CCDC126: variants seen among roughly 807,000 people sequenced by gnomAD.
The protein encoded by CCDC126 is coiled-coil domain containing 126, also known as coiled-coil domain-containing protein 126.
CCDC126 carries 5 observed loss-of-function variants against 11.7 expected under a neutral mutation model. The observed-to-expected ratio is 0.43, with a 90% CI of 0.22 to 0.90. The LOEUF is 0.90. CCDC126 is among the 40% of genes least tolerant of loss of function. The probability of loss-of-function intolerance (pLI) is 0.27; values close to 1 mark genes in which losing one functional copy is unlikely to be tolerated. For synonymous variants in CCDC126, 60 were observed against 61.9 expected, an observed-to-expected ratio of 0.97 and a Z score of 0.14; for missense variants, 150 against 163.1, an observed-to-expected ratio of 0.92 and a Z score of 0.44.
chr7:23,641,913 T>TC (rs959448275), intron 3 of CCDC126, among the ~76,000 whole-genome samples: 12 of 152,300 alleles, frequency 7.9e-5, no homozygotes, highest in Admixed American at 3.9e-4. Context: ...GACCCTAGGC[T>TC]CCCCCACAAC....
intron 3 of CCDC126, among the ~76,000 whole-genome samples, chr7:23,614,397 A>G (rs1453688266): frequency 6.6e-6 from 1 of 152,152 alleles, no homozygotes; most frequent in Non-Finnish European, 1.5e-5. Context: ...TTCAGGCTCT[A>G]CTTCTCATTC....
At chr7:23,621,611 A>G (rs1250170115) in intron 3 of CCDC126, among the ~76,000 whole-genome samples, 1 of 152,174 alleles carries the variant, frequency 6.6e-6, no homozygotes, top group Non-Finnish European at 1.5e-5. Flanking sequence ...AACTTCCAAC[A>G]CTATGTTGAA....
rs183830484 is a variant in CCDC126, at chr7:23,606,091, C to T, written c.-145-5080C>T. On this transcript the variant is annotated intron_variant, in intron 2 of 3. Coordinates refer to ENST00000307471, the MANE Select transcript of CCDC126 (RefSeq NM_138771.4). ...TTTATGTTTTTGAGACCGAGTCTTG[C>T]TCTGTCGCCCAGGCTGGAGTGCAGT... 3.9e-3 allele frequency among the ~76,000 whole-genome samples: 599 copies of T among 152,116 alleles called. 1 individual carries two copies. Among genetic ancestry groups the T allele is most frequent in the Non-Finnish European group, 6.9e-3 (469 of 68,020 alleles).
chr7:23,627,548 C>T lies in CCDC126; in HGVS notation c.239-15383C>T, dbSNP rs893383084. 4.0e-5 allele frequency among the ~76,000 whole-genome samples: 6 copies of T among 148,150 alleles called. No individual in the cohort carries two copies. In the East Asian group the frequency reaches 7.9e-4, roughly 19 times the overall value. On this transcript the variant is annotated intron_variant, in intron 3 of 3. Coordinates refer to ENST00000307471, the MANE Select transcript of CCDC126 (RefSeq NM_138771.4). Reference sequence around the variant, plus strand: ...CACCACTGCACTCCAGCCTGGGTGACGAGAGTGAGACTCTGTCTCAGAAAA... The same window carrying T: ...CACCACTGCACTCCAGCCTGGGTGATGAGAGTGAGACTCTGTCTCAGAAAA...
intron 3 of CCDC126, among the ~76,000 whole-genome samples, chr7:23,629,243 A>C (rs1471776400): frequency 3.3e-5 from 5 of 152,180 alleles, no homozygotes; most frequent in African/African-American, 1.2e-4. Flanking sequence ...CGAGGACTCT[A>C]CCCTTATGAA....
chr7:23,637,654 GTGGGGGGGT>G (rs1783257614), intron 3 of CCDC126, among the ~76,000 whole-genome samples: 2 of 4,162 alleles, frequency 4.8e-4, no homozygotes, highest in African/African-American at 3.0e-3. Context: ...CGGGAGGGAG[GTGGGGGGGT>G]CAGCCCCCCG....
intron 2 of CCDC126, among the ~76,000 whole-genome samples, chr7:23,601,719 T>C (rs546788383): frequency 1.3e-5 from 2 of 152,284 alleles, no homozygotes; most frequent in African/African-American, 4.8e-5. Flanking sequence ...ATTAATTAAT[T>C]AAATTTTGAG....
At chr7:23,601,948 A>T (rs1782552741) in intron 2 of CCDC126, 1 of 152,170 alleles carries the variant, frequency 6.6e-6, no homozygotes, top group South Asian at 2.1e-4. Context: ...AACCTTGTAA[A>T]GTGCTGGGAT....
At chr7:23,633,027 T>G (rs941254053) in intron 3 of CCDC126, among the ~76,000 whole-genome samples, 1 of 152,142 alleles carries the variant, frequency 6.6e-6, no homozygotes, top group African/African-American at 2.4e-5. Flanking sequence ...AGTTTCGCTC[T>G]TGTTGCCCAG....
At chr7:23,598,118 C>G (rs1782461158) in intron 2 of CCDC126, 67 bp downstream of exon 2, 1 of 152,258 alleles carries the variant, frequency 6.6e-6, no homozygotes, top group South Asian at 2.1e-4. Context: ...GCTCAGCCAG[C>G]TAGGGTTCGA....
chr7:23,623,482 G>C (rs1782960689), intron 3 of CCDC126, among the ~76,000 whole-genome samples: 1 of 151,938 alleles, frequency 6.6e-6, no homozygotes, highest in South Asian at 2.1e-4. Flanking sequence ...TATAGTCCCT[G>C]CTGCTGTGGA....
intron 3 of CCDC126, among the ~76,000 whole-genome samples, chr7:23,633,306 T>TTGGGAGGCC (rs1783147772): frequency 6.6e-6 from 1 of 152,148 alleles, no homozygotes; most frequent in South Asian, 2.1e-4. Flanking sequence ...CTTGCAATCT[T>TTGGGAGGCC]AAGAAGAGAA....
At chr7:23,625,690 C>G (rs1257359078) in intron 3 of CCDC126, among the ~76,000 whole-genome samples, 5 of 113,052 alleles carry the variant, frequency 4.4e-5, no homozygotes, top group Middle Eastern at 0.01. Context: ...GAGTCTTGCT[C>G]TGTTGCCCAG....
chr7:23,605,399 TTGTGTGTG>T (rs3219575), intron 2 of CCDC126, among the ~76,000 whole-genome samples: 5,745 of 148,894 alleles, frequency 0.039, 142 homozygotes, highest in Middle Eastern at 0.066. Flanking sequence ...TGTGATATGC[TTGTGTGTG>T]TGTGTGTGTG....
At chr7:23,599,383 G>A (rs1457169588) in intron 2 of CCDC126, among the ~76,000 whole-genome samples, 1 of 152,220 alleles carries the variant, frequency 6.6e-6, no homozygotes, top group Non-Finnish European at 1.5e-5. Context: ...GGCTTTGGAA[G>A]GGGAGGTGGG....
At chr7:23,639,148 T>C (rs1294543183) in intron 3 of CCDC126, among the ~76,000 whole-genome samples, 1 of 151,884 alleles carries the variant, frequency 6.6e-6, no homozygotes, top group African/African-American at 2.4e-5. Context: ...AAACATCATA[T>C]ATCTTTCATC....
intron 3 of CCDC126, among the ~76,000 whole-genome samples, chr7:23,616,202 A>G (rs1782792342): frequency 6.6e-6 from 1 of 152,158 alleles, no homozygotes; most frequent in Admixed American, 6.5e-5. Flanking sequence ...GCATATTCAG[A>G]CACATTAGGT....
At chr7:23,623,122 C>T (rs543045936) in intron 3 of CCDC126, among the ~76,000 whole-genome samples, 5 of 149,072 alleles carry the variant, frequency 3.4e-5, no homozygotes, top group East Asian at 3.9e-4. Context: ...TGCAGGCTCG[C>T]GCCACTATGC....
At chr7:23,640,085 A>G (rs1001481069) in intron 3 of CCDC126, among the ~76,000 whole-genome samples, 5 of 152,092 alleles carry the variant, frequency 3.3e-5, no homozygotes, top group Admixed American at 1.3e-4. Flanking sequence ...CGGGAGGCTG[A>G]GGCAGGAGAA....
Sources: gnomAD v4.1 joint callset for allele counts (sites outside exome capture counted in the v4.1 genomes callset) on GRCh38, gnomAD v4.1.1 for gene constraint, MANE v1.5 for transcripts, NCBI Gene and HGNC (gene_info 2026-07-23, HGNC 2026-07-21) for gene names.